Variants in FRY observed in about 807,000 individuals in gnomAD.
The protein encoded by FRY is protein furry homolog.
FRY carries 128 observed loss-of-function variants against 348.4 expected under a neutral mutation model. The ratio of observed to expected loss-of-function variants is 0.37; its 90% CI spans 0.32 to 0.43. The LOEUF is 0.43. Ranked by LOEUF, FRY falls within the 20% of genes least tolerant of loss-of-function variation. The pLI is 1.00. For missense variants in FRY, 2,736 were observed against 3,695.2 expected, an observed-to-expected ratio of 0.74 and a Z score of 6.73; for synonymous variants, 1,370 against 1,374.7, an observed-to-expected ratio of 1.00 and a Z score of 0.08.
chr13:32,202,271 T>C, intron 30 of FRY, 85 bp from the exon 31 acceptor site: 4 of 1,098,904 alleles, frequency 3.6e-6, no homozygotes, highest in Non-Finnish European at 5.6e-6. Context: ...TTTTGTTACT[T>C]CTAACCTTTG....
chr13:32,124,956 G>C, intron 7 of FRY, 81 bp downstream of exon 7: 1 of 1,041,766 alleles, frequency 9.6e-7, no homozygotes, highest in South Asian at 1.3e-5. Flanking sequence ...GGAAGTTGGG[G>C]TTGAGCTTAC....
At chr13:32,166,106 G>A (rs569844635) in intron 17 of FRY, among the ~76,000 whole-genome samples, 2 of 152,192 alleles carry the variant, frequency 1.3e-5, no homozygotes, top group Non-Finnish European at 2.9e-5. Flanking sequence ...TGCCTGGGAG[G>A]GGCAGCTGCA....
rs1885564472 is a variant in FRY, at chr13:32,226,082, A to G, written c.5206+108A>G. On this transcript the variant is annotated intron_variant, in intron 39 of 60. Transcript: ENST00000542859. ...TAACTTCTCTCATGCTATGACCTCC[A>G]ACTTTCCACGTGGTAAATCAACAGT... 1.2e-5 allele frequency: 10 copies of G among 856,580 alleles called. No homozygotes were observed. In the South Asian group the frequency reaches 1.3e-4, roughly 11 times the overall value. The allele number at this position is 856,580 out of a possible 1,614,324, so 53.1% of individuals were successfully genotyped here.
chr13:32,272,495 T>A (rs528111143), intron 55 of FRY, among the ~76,000 whole-genome samples: 11 of 152,286 alleles, frequency 7.2e-5, no homozygotes, highest in African/African-American at 2.4e-4. Context: ...AAACTGAATT[T>A]ACATCCCCTA....
intron 52 of FRY, 134 bp downstream of exon 52, chr13:32,261,950 C>A: frequency 1.2e-6 from 1 of 830,794 alleles, no homozygotes; most frequent in Non-Finnish European, 2.0e-6. Flanking sequence ...CAGGTGGTGT[C>A]ATACGGGTTC....
chr13:32,068,816 A>G (rs562386731), intron 1 of FRY, among the ~76,000 whole-genome samples: 2 of 152,216 alleles, frequency 1.3e-5, no homozygotes, highest in African/African-American at 2.4e-5. Context: ...TTATATCATC[A>G]ATGTATCTAG....
rs368349714 is a variant in FRY at position 32,199,936 on chromosome 13, T to C, written c.3747-2005T>C. ...GAAAGCAATTTATTCCTTGCAGTTA[T>C]AGAGACTAAGTCCACAGTCAAGGGG... On this transcript the variant is annotated intron_variant, in intron 29 of 60. Coordinates refer to ENST00000542859, the MANE Select transcript of FRY (RefSeq NM_023037.3). Among the ~76,000 whole-genome samples the C allele has an allele frequency of 1.7e-4, 26 of 152,282 alleles. No homozygotes were observed. The East Asian group carries it at 4.6e-3, about 27-fold the overall frequency.
At chr13:32,032,027 C>CTTTCTTTCTT (rs1872261995) in intron 1 of FRY, among the ~76,000 whole-genome samples, 162 bp downstream of exon 1, 73 of 71,690 alleles carry the variant, frequency 1.0e-3, no homozygotes, top group African/African-American at 3.1e-3. Context: ...CTTTCTTTTT[C>CTTTCTTTCTT]TTTCTTTCTT....
intron 33 of FRY, 146 bp from the exon 34 acceptor site, chr13:32,210,720 G>C: frequency 2.8e-6 from 2 of 707,468 alleles, no homozygotes; most frequent in Non-Finnish European, 2.5e-6. Context: ...CAAGTCCTTG[G>C]TCCATCCTAG....
intron 1 of FRY, among the ~76,000 whole-genome samples, chr13:32,049,081 T>A (rs541034251): frequency 6.6e-6 from 1 of 152,318 alleles, no homozygotes. Context: ...ATAGGTGCTC[T>A]GCCCATGCCA....
intron 29 of FRY, among the ~76,000 whole-genome samples, chr13:32,201,356 G>C (rs1220257114): frequency 2.6e-5 from 4 of 152,108 alleles, no homozygotes; most frequent in Non-Finnish European, 4.4e-5. Context: ...CCCTCATCAG[G>C]ATTCTCGTAG....
At chr13:32,217,966 G>A (rs952102462) in intron 35 of FRY, among the ~76,000 whole-genome samples, 9 of 152,144 alleles carry the variant, frequency 5.9e-5, no homozygotes, top group Non-Finnish European at 8.8e-5. Context: ...ACCTTTCCCT[G>A]AACACTCTCA....
chr13:32,154,824 C>A (rs1251174635), intron 14 of FRY, among the ~76,000 whole-genome samples: 1 of 152,126 alleles, frequency 6.6e-6, no homozygotes, highest in African/African-American at 2.4e-5. Context: ...CCTTTGAAGA[C>A]GAGCACTAGG....
intron 39 of FRY, among the ~76,000 whole-genome samples, chr13:32,227,641 C>T (rs1885650370): frequency 6.6e-6 from 1 of 151,756 alleles, no homozygotes; most frequent in South Asian, 2.1e-4. Context: ...TAAAATATAT[C>T]AATATACACA....
intron 3 of FRY, among the ~76,000 whole-genome samples, chr13:32,103,852 A>G (rs1877346889): frequency 1.3e-5 from 2 of 152,224 alleles, no homozygotes; most frequent in South Asian, 4.2e-4. Context: ...CTGTGGTCCC[A>G]GCTATTCAGG....
chr13:32,295,118 T>C, intron 60 of FRY, 84 bp from the exon 61 acceptor site: 1 of 1,211,560 alleles, frequency 8.3e-7, no homozygotes, highest in Admixed American at 1.7e-5. Context: ...TAAAAAGTAA[T>C]ACTCTTATAT....
chr13:32,209,627 A>C lies in FRY; in HGVS notation c.4318A>C (p.Asn1440His). 1 of 1,614,080 alleles carries C rather than the reference A, an allele frequency of 6.2e-7. No individual in the cohort carries two copies. The highest frequency in any genetic ancestry group is 8.5e-7 in the Non-Finnish European group (1 of 1,179,956). The change falls in exon 33 of 61, where the codon AAT becomes CAT. Residue 1440 changes from asparagine (N) to histidine (H), a missense_variant. Physicochemically the swap from Asn to His is moderately conservative, Grantham distance 68. Coordinates refer to ENST00000542859, the MANE Select transcript of FRY (RefSeq NM_023037.3). ...VPGPEMENAW[N>H]ALANNEKWSN... Reference sequence around the variant, plus strand: ...TGGGCCAGAAATGGAAAATGCTTGGAATGCTTTAGCCAACAATGAGAAATG... The same window carrying C: ...TGGGCCAGAAATGGAAAATGCTTGGCATGCTTTAGCCAACAATGAGAAATG...
intron 28 of FRY, among the ~76,000 whole-genome samples, chr13:32,189,767 A>G (rs951244843): frequency 1.3e-5 from 2 of 152,096 alleles, no homozygotes; most frequent in Non-Finnish European, 2.9e-5. Context: ...ACAGATGAAG[A>G]GGAAATACAT....
intron 11 of FRY, among the ~76,000 whole-genome samples, chr13:32,138,723 G>A (rs1247335108): frequency 6.6e-6 from 1 of 152,194 alleles, no homozygotes; most frequent in African/African-American, 2.4e-5. Context: ...GACTTATGTA[G>A]TGTCCACTAT....
Sources: allele counts gnomAD v4.1 joint callset (sites outside exome capture counted in the v4.1 genomes callset), GRCh38; gene constraint gnomAD v4.1.1; transcripts MANE v1.5; gene names NCBI Gene and HGNC (gene_info 2026-07-23, HGNC 2026-07-21).